NLRP11: variants seen among roughly 807,000 people sequenced by gnomAD.
NLRP11 encodes NACHT, LRR and PYD domains-containing protein 11.
A neutral mutation model predicts 79.3 loss-of-function variants in NLRP11; 53 were observed. The ratio of observed to expected loss-of-function variants is 0.67; its 90% CI spans 0.54 to 0.84. The LOEUF is 0.84. Among genes scored for constraint, NLRP11 ranks in the 40% least tolerant of loss-of-function variants. The probability of loss-of-function intolerance (pLI) is 0.00; values close to 1 mark genes in which losing one functional copy is unlikely to be tolerated. For synonymous variants in NLRP11, 518 were observed against 462.6 expected (o/e 1.12, Z -1.54); for missense variants, 1,264 against 1,255.0 (o/e 1.01, Z -0.11).
intron 9 of NLRP11, among the ~76,000 whole-genome samples, chr19:55,788,514 A>G (rs915931697): frequency 6.6e-6 from 1 of 151,638 alleles, no homozygotes; most frequent in Non-Finnish European, 1.5e-5. Flanking sequence ...GCCAAGGTGG[A>G]CAGATCATGA....
intron 2 of NLRP11, among the ~76,000 whole-genome samples, chr19:55,814,363 A>T (rs35826291): frequency 0.17 from 25,893 of 152,106 alleles, 2,260 homozygotes; most frequent in East Asian, 0.29. Context: ...ATAGAAATAA[A>T]GTACATAATA....
chr19:55,814,043 G>C (rs577186766), intron 2 of NLRP11, among the ~76,000 whole-genome samples: 1 of 152,280 alleles, frequency 6.6e-6, no homozygotes, highest in African/African-American at 2.4e-5. Context: ...CCGATGGTGA[G>C]TGGTGAGTGA....
intron 4 of NLRP11, among the ~76,000 whole-genome samples, chr19:55,802,462 G>A (rs932550008): frequency 6.6e-6 from 1 of 152,188 alleles, no homozygotes; most frequent in Non-Finnish European, 1.5e-5. Context: ...GCTAACCAGA[G>A]AGGTGAAAGA....
intron 4 of NLRP11, among the ~76,000 whole-genome samples, chr19:55,804,156 C>T (rs1181982070): frequency 6.6e-6 from 1 of 152,176 alleles, no homozygotes; most frequent in Non-Finnish European, 1.5e-5. Context: ...GATGTTCCCA[C>T]TGTTGGTGGG....
At chr19:55,814,445 C>A (rs747609780) in intron 2 of NLRP11, among the ~76,000 whole-genome samples, 2 of 152,114 alleles carry the variant, frequency 1.3e-5, no homozygotes, top group Non-Finnish European at 2.9e-5. Context: ...AATTGTCTTC[C>A]GTGAAACTGG....
intron 1 of NLRP11, among the ~76,000 whole-genome samples, chr19:55,823,143 G>T (rs1055277832): frequency 6.8e-6 from 1 of 146,752 alleles, no homozygotes; most frequent in South Asian, 2.1e-4. Flanking sequence ...GCACCCCCCA[G>T]CAGGAGCACA....
chr19:55,832,782 C>G (rs1982915058), upstream of NLRP11: 1 of 151,962 alleles, frequency 6.6e-6, no homozygotes, highest in South Asian at 2.1e-4. Context: ...AAAGCAAGAG[C>G]AAACAAAAAT....
chr19:55,828,365 A>G, intron 1 of NLRP11, among the ~76,000 whole-genome samples: 1 of 151,874 alleles, frequency 6.6e-6, no homozygotes, highest in Non-Finnish European at 1.5e-5. Flanking sequence ...ATGTATACAT[A>G]TGTAACTAAC....
Position 55,808,749 on chromosome 19 carries a change from T to C in NLRP11, c.1841+20A>G. 1 of 1,579,358 alleles carries C rather than the reference T, an allele frequency of 6.3e-7. No individual in the cohort carries two copies. Among genetic ancestry groups the C allele is most frequent in the Non-Finnish European group, 8.6e-7 (1 of 1,164,724 alleles). ...GGTCTTAGGAAGACAGGAAAGAGGA[T>C]TTATTTTTTAAAGACTCACCTAGCA... is the stretch of plus-strand genomic sequence containing the variant. On this transcript the variant is annotated intron_variant, in intron 3 of 9. Transcript: ENST00000589093.
chr19:55,789,471 A>G (rs1273558962), intron 7 of NLRP11, 72 bp from the exon 8 acceptor site: 7 of 1,389,576 alleles, frequency 5.0e-6, no homozygotes, highest in Non-Finnish European at 6.9e-6. Context: ...AGTGTTAAGC[A>G]TTCTTGGACC....
chr19:55,809,229 C>A lies in NLRP11; in HGVS notation c.1381G>T (p.Ala461Ser). ...TAGTTGGGTACTGCCATCAGAAATG[C>A]AATGGCTGTACAAAACTCCTGGACG... The change falls in exon 3 of 10, where the codon GCA becomes TCA. Residue 461 changes from alanine (A) to serine (S), a missense_variant. Physicochemically the swap from Ala to Ser is moderately conservative, Grantham distance 99. Transcript: ENST00000589093. The surrounding 1 kb of genome is among the most constrained non-coding windows in gnomAD (Gnocchi z 4.5). The A allele has an allele frequency of 1.9e-6, 3 of 1,613,776 alleles. No individual in the cohort carries two copies. The highest frequency in any genetic ancestry group is 2.5e-6 in the Non-Finnish European group (3 of 1,179,654).
rs139933897 is a variant in NLRP11 at position 55,796,462 on chromosome 19, C to T, written c.2172-212G>A. ...TTACAGATTCACGAAGGGCTGTGAG[C>T]AGGCAGTTCCTTCCTCTTTTGCATT... On this transcript the variant is annotated intron_variant, in intron 5 of 9. Coordinates refer to ENST00000589093, the Ensembl canonical transcript of NLRP11. Among the ~76,000 whole-genome samples, 698 of 152,234 alleles carry T rather than the reference C, an allele frequency of 4.6e-3. 3 individuals are homozygous for T. The highest frequency in any genetic ancestry group is 0.016 in the African/African-American group (667 of 41,528).
chr19:55,820,845 A>G (rs1981625528), intron 1 of NLRP11, among the ~76,000 whole-genome samples: 3 of 152,170 alleles, frequency 2.0e-5, no homozygotes, highest in Non-Finnish European at 4.4e-5. Flanking sequence ...ATGTACATAC[A>G]GGTGTCGTGT....
At chr19:55,801,393 T>C (rs1158635882) in intron 5 of NLRP11, among the ~76,000 whole-genome samples, 179 bp downstream of exon 5, 1 of 151,952 alleles carries the variant, frequency 6.6e-6, no homozygotes, top group Non-Finnish European at 1.5e-5. Context: ...AATGTAGAAA[T>C]TGAAATCAAA....
chr19:55,810,910 T>C (rs1201311216), intron 2 of NLRP11, among the ~76,000 whole-genome samples: 1 of 152,246 alleles, frequency 6.6e-6, no homozygotes, highest in Non-Finnish European at 1.5e-5. Context: ...CTCTCATGTC[T>C]TGGCATCAAG....
intron 2 of NLRP11, among the ~76,000 whole-genome samples, 185 bp downstream of exon 2, chr19:55,817,719 T>G (rs1406261939): frequency 1.3e-5 from 2 of 151,354 alleles, no homozygotes; most frequent in Non-Finnish European, 2.9e-5. Flanking sequence ...CTGGGTACAG[T>G]GTGCACTGCT....
chr19:55,831,098 C>CACCCCCCCATCCCCCCCACCCCCCTGCT (rs1196388568), intron 1 of NLRP11, among the ~76,000 whole-genome samples: 1 of 118,302 alleles, frequency 8.5e-6, no homozygotes, highest in African/African-American at 3.3e-5. Flanking sequence ...ACCCACCGCC[C>CACCCCCCCATCCCCCCCACCCCCCTGCT]CACCCCCCCC....
chr19:55,789,469 G>T, intron 7 of NLRP11, 70 bp from the exon 8 acceptor site: 2 of 1,420,614 alleles, frequency 1.4e-6, no homozygotes, highest in South Asian at 1.3e-5. Flanking sequence ...AGAGTGTTAA[G>T]CATTCTTGGA....
intron 5 of NLRP11, among the ~76,000 whole-genome samples, chr19:55,796,748 G>C (rs547341957): frequency 1.3e-5 from 2 of 151,500 alleles, no homozygotes; most frequent in East Asian, 3.9e-4. Flanking sequence ...GTGCAATGGT[G>C]CGATCTCGGC....
Sources: allele counts gnomAD v4.1 joint callset (sites outside exome capture counted in the v4.1 genomes callset), GRCh38; gene constraint gnomAD v4.1.1; non-coding constraint Gnocchi (gnomAD v3.1); transcripts MANE v1.5; gene names NCBI Gene and HGNC (gene_info 2026-07-23, HGNC 2026-07-21).